Variants in RAPGEF6 observed in about 807,000 individuals in gnomAD.
RAPGEF6 encodes Rap guanine nucleotide exchange factor 6, also known as PDZ domain containing guanine nucleotide exchange factor (GEF) 2.
A neutral mutation model predicts 171.4 loss-of-function variants in RAPGEF6; 56 were observed. That is an observed-to-expected ratio of 0.33 (90% CI 0.26 to 0.41). The LOEUF (loss-of-function observed/expected upper bound fraction) is 0.41, where lower values mean the gene tolerates loss of function less well. Among genes scored for constraint, RAPGEF6 ranks in the 10% least tolerant of loss-of-function variants. RAPGEF6 has a pLI of 1.00. For synonymous variants in RAPGEF6, 692 were observed against 650.1 expected (o/e 1.06, Z -0.98); for missense variants, 1,674 against 1,921.4 (o/e 0.87, Z 2.41).
chr5:131,574,703 C>G (rs1046703491), intron 4 of RAPGEF6, among the ~76,000 whole-genome samples: 1 of 152,066 alleles, frequency 6.6e-6, no homozygotes, highest in African/African-American at 2.4e-5. Flanking sequence ...TGCCCTTTTA[C>G]CCGATTCAAG....
chr5:131,463,883 A>G, intron 18 of RAPGEF6, 158 bp downstream of exon 18: 1 of 1,370,550 alleles, frequency 7.3e-7, no homozygotes, highest in African/African-American at 1.4e-5. Flanking sequence ...CTAAGAGTTT[A>G]TTTTAGCAGG....
At chr5:131,500,636 A>C (rs1756958279) in intron 11 of RAPGEF6, among the ~76,000 whole-genome samples, 1 of 152,160 alleles carries the variant, frequency 6.6e-6, no homozygotes, top group Non-Finnish European at 1.5e-5. Context: ...TAGCACATGC[A>C]TATGTCTCTG....
chr5:131,567,846 C>T (rs962428044), intron 4 of RAPGEF6, among the ~76,000 whole-genome samples: 3 of 152,164 alleles, frequency 2.0e-5, no homozygotes, highest in African/African-American at 4.8e-5. Flanking sequence ...TCAATTCTGT[C>T]AGTTTTTACT....
intron 18 of RAPGEF6, 42 bp from the exon 19 acceptor site, chr5:131,462,130 T>C: frequency 1.5e-6 from 2 of 1,324,614 alleles, no homozygotes; most frequent in Admixed American, 3.2e-5. Flanking sequence ...TTCATAAATA[T>C]GATTAAATAA....
At chr5:131,505,280 G>T in intron 10 of RAPGEF6, 84 bp downstream of exon 10, 1 of 1,349,432 alleles carries the variant, frequency 7.4e-7, no homozygotes. Flanking sequence ...CTCAAATAAA[G>T]CTATTTTCTT....
intron 1 of RAPGEF6, 122 bp downstream of exon 1, chr5:131,634,840 G>A (rs1190192685): frequency 2.6e-6 from 3 of 1,155,952 alleles, no homozygotes; most frequent in African/African-American, 1.5e-5. Context: ...AGACTCAAGC[G>A]AACAGATTCC....
At chr5:131,450,605 T>C (rs1753002864) in intron 21 of RAPGEF6, among the ~76,000 whole-genome samples, 1 of 152,206 alleles carries the variant, frequency 6.6e-6, no homozygotes, top group Non-Finnish European at 1.5e-5. Context: ...TTCATAATAC[T>C]ATATATCTTT....
chr5:131,635,220 A>G lies in RAPGEF6; in HGVS notation c.-190T>C. 1 of 573,920 alleles carries G rather than the reference A, an allele frequency of 1.7e-6. No individual in the cohort carries two copies. The highest frequency in any genetic ancestry group is 3.0e-6 in the Non-Finnish European group (1 of 333,692). The allele number at this position is 573,920 out of a possible 1,614,324, so 35.6% of individuals were successfully genotyped here. On this transcript the variant is annotated 5_prime_UTR_variant, in exon 1 of 28. Coordinates refer to ENST00000509018, the MANE Select transcript of RAPGEF6 (RefSeq NM_016340.6). ...CCTCTACCCACGCGCGACTGGCCGG[A>G]GACAAGTCTGCGCGGGGGCGGGGGA...
intron 6 of RAPGEF6, 149 bp downstream of exon 6, chr5:131,547,898 A>T: frequency 1.3e-6 from 1 of 798,836 alleles, no homozygotes; most frequent in Non-Finnish European, 1.9e-6. Context: ...TCAACCAAAC[A>T]GAAGCATTTA....
rs890293138 is a variant in RAPGEF6, at chr5:131,465,974, A to G, written c.2240-1693T>C. Among the ~76,000 whole-genome samples, 6 of 152,170 alleles carry G rather than the reference A, an allele frequency of 3.9e-5. No individual in the cohort carries two copies. The East Asian group carries it at 1.2e-3, about 30-fold the overall frequency. The stretch of plus-strand genomic sequence containing the variant: ...ACAAAACAAAACAAAACAAATTACA[A>G]ATTTATCTCAAAATGTCCTGAGGTA... On this transcript the variant is annotated intron_variant, in intron 17 of 27. Coordinates refer to ENST00000509018, the MANE Select transcript of RAPGEF6 (RefSeq NM_016340.6).
chr5:131,594,197 T>C (rs913321063), intron 3 of RAPGEF6, among the ~76,000 whole-genome samples: 1 of 152,202 alleles, frequency 6.6e-6, no homozygotes, highest in African/African-American at 2.4e-5. Flanking sequence ...TGGGGGCAGA[T>C]TTACCGCATG....
chr5:131,532,103 T>C (rs1335215218), intron 6 of RAPGEF6: 2 of 440,902 alleles, frequency 4.5e-6, no homozygotes, highest in East Asian at 1.4e-4. Flanking sequence ...TTACTTACTT[T>C]GGAGGCCCAT....
chr5:131,610,648 G>C (rs922884285), intron 1 of RAPGEF6, among the ~76,000 whole-genome samples: 7 of 152,166 alleles, frequency 4.6e-5, no homozygotes, highest in African/African-American at 1.4e-4. Flanking sequence ...AGCTGATTAT[G>C]TGAGGAGAAA....
intron 11 of RAPGEF6, among the ~76,000 whole-genome samples, chr5:131,498,905 C>A (rs1435224976): frequency 6.6e-6 from 1 of 152,114 alleles, no homozygotes; most frequent in African/African-American, 2.4e-5. Flanking sequence ...ACTAACTTAG[C>A]CCTGGTGTGG....
chr5:131,473,101 A>G (rs994998932), intron 16 of RAPGEF6, among the ~76,000 whole-genome samples: 1 of 152,210 alleles, frequency 6.6e-6, no homozygotes, highest in Admixed American at 6.5e-5. Context: ...AAATATGCAC[A>G]GCCACACCAT....
intron 1 of RAPGEF6, among the ~76,000 whole-genome samples, chr5:131,614,987 G>C (rs1281807358): frequency 6.6e-6 from 1 of 152,296 alleles, no homozygotes. Context: ...TAGGAACTTT[G>C]TAGAAATGTA....
chr5:131,495,476 C>A, intron 13 of RAPGEF6, 77 bp downstream of exon 13: 2 of 1,029,972 alleles, frequency 1.9e-6, no homozygotes, highest in South Asian at 1.4e-5. Flanking sequence ...AGAATGAAAG[C>A]TATTGCTGTT....
At chr5:131,580,495 G>A (rs543893105) in intron 4 of RAPGEF6, among the ~76,000 whole-genome samples, 156 of 152,286 alleles carry the variant, frequency 1.0e-3, no homozygotes, top group Middle Eastern at 3.4e-3. Context: ...GTGCAGCGGC[G>A]GGCTGAAGGG....
intron 24 of RAPGEF6, among the ~76,000 whole-genome samples, chr5:131,438,155 A>AT (rs1373832121): frequency 1.3e-5 from 2 of 151,756 alleles, no homozygotes; most frequent in African/African-American, 4.8e-5. Context: ...CCCCTGGCTA[A>AT]TTTTTTTGTA....
Sources: allele counts gnomAD v4.1 joint callset (sites outside exome capture counted in the v4.1 genomes callset), GRCh38; gene constraint gnomAD v4.1.1; transcripts MANE v1.5; gene names NCBI Gene and HGNC (gene_info 2026-07-23, HGNC 2026-07-21).